Variants in WRNIP1 observed in about 807,000 individuals in gnomAD.
WRNIP1 encodes WRN helicase interacting protein 1.
A neutral mutation model predicts 56.1 loss-of-function variants in WRNIP1; 41 were observed. The observed-to-expected ratio is 0.73, with a 90% CI of 0.57 to 0.95. The LOEUF (loss-of-function observed/expected upper bound fraction) is 0.95, where lower values mean the gene tolerates loss of function less well. Ranked by LOEUF, WRNIP1 falls within the 40% of genes least tolerant of loss-of-function variation. The pLI is 0.00. For missense variants in WRNIP1, 1,170 were observed against 939.4 expected (o/e 1.25, Z -3.21); for synonymous variants, 547 against 398.1 (o/e 1.37, Z -4.45).
intron 3 of WRNIP1, among the ~76,000 whole-genome samples, chr6:2,775,029 ACCT>A (rs1337977149): frequency 6.6e-6 from 1 of 152,092 alleles, no homozygotes; most frequent in East Asian, 1.9e-4. Context: ...AGATCTCATT[ACCT>A]CCTATTTACT....
intron 3 of WRNIP1, chr6:2,773,178 TC>T: frequency 1.0e-6 from 1 of 985,408 alleles, no homozygotes; most frequent in Non-Finnish European, 1.2e-6. Context: ...AAATAAGTGT[TC>T]TTTTTTTAAA....
Position 2,765,922 on chromosome 6 carries a change from C to T in WRNIP1, c.300C>T (p.Asp100=), listed in dbSNP as rs1232194923. Residue 100 remains aspartate (D), a synonymous_variant, in exon 1 of 7, where the codon GAC becomes GAT. Coordinates refer to ENST00000380773, the MANE Select transcript of WRNIP1 (RefSeq NM_020135.3). Reference sequence around the variant, plus strand: ...GCGAGGGCGAGGGTGAGGAGGGCGACGACGGCGGCGAGACCGAGAGCCGCG... The same window carrying T: ...GCGAGGGCGAGGGTGAGGAGGGCGATGACGGCGGCGAGACCGAGAGCCGCG... ...ESSEGEGEEG[D]DGGETESRES... is the part of the protein sequence containing the mutation. 12 of 1,452,158 alleles carry T rather than the reference C, an allele frequency of 8.3e-6. No individual in the cohort carries two copies. The highest frequency in any genetic ancestry group is 2.4e-5 in the Admixed American group (1 of 42,378). The allele number at this position is 1,452,158 out of a possible 1,614,324, so 90.0% of individuals were successfully genotyped here.
intron 2 of WRNIP1, 30 bp downstream of exon 2, chr6:2,768,912 G>A (rs540758943): frequency 3.2e-6 from 5 of 1,577,110 alleles, no homozygotes; most frequent in South Asian, 2.3e-5. Context: ...CCTTTTGGTC[G>A]TTGTGAACAT....
intron 3 of WRNIP1, among the ~76,000 whole-genome samples, chr6:2,770,809 TA>T (rs1225348859): frequency 0.028 from 4,089 of 146,786 alleles, 94 homozygotes; most frequent in African/African-American, 0.069. Flanking sequence ...AGCATTTTGT[TA>T]AAAAAAAAAA....
intron 3 of WRNIP1, chr6:2,773,091 C>A (rs925813507): frequency 1.0e-6 from 1 of 985,268 alleles, no homozygotes; most frequent in African/African-American, 1.7e-5. Context: ...TGCCGCTTAG[C>A]CGTTCTTGAT....
At chr6:2,768,486 A>G (rs975367309) in intron 1 of WRNIP1, among the ~76,000 whole-genome samples, 8 of 152,196 alleles carry the variant, frequency 5.3e-5, no homozygotes, top group African/African-American at 1.9e-4. Flanking sequence ...AGGTTTAGCT[A>G]CTTTCCTGTT....
chr6:2,778,443 C>T (rs1004235680), intron 3 of WRNIP1, among the ~76,000 whole-genome samples: 1 of 152,194 alleles, frequency 6.6e-6, no homozygotes, highest in Admixed American at 6.5e-5. Context: ...CTGAGTCAGC[C>T]TTCTGATCAT....
chr6:2,765,974 A>G lies in WRNIP1; in HGVS notation c.352A>G (p.Ser118Gly). The G allele has an allele frequency of 7.1e-7, 1 of 1,408,438 alleles. No homozygotes were observed. The highest frequency in any genetic ancestry group is 9.3e-7 in the Non-Finnish European group (1 of 1,079,956). 87.2% of individuals were successfully genotyped at this position (1,408,438 alleles called of 1,614,324 possible). ...RESYDAPPTP[S>G]GARLIPDFPV... is the part of the protein sequence containing the mutation. The stretch of plus-strand genomic sequence containing the variant: ...GAGCTACGACGCGCCGCCCACACCC[A>G]GCGGCGCCCGCCTTATCCCCGACTT... The change falls in exon 1 of 7, where the codon AGC (serine) becomes GGC (glycine). Residue 118 changes from serine (S) to glycine (G), a missense_variant. Physicochemically the swap from Ser to Gly is moderately conservative, Grantham distance 56 (BLOSUM62 0). Transcript: ENST00000380773.
intron 4 of WRNIP1, 144 bp from the exon 5 acceptor site, chr6:2,783,262 G>T (rs1004759682): frequency 1.2e-6 from 1 of 864,052 alleles, no homozygotes; most frequent in Admixed American, 3.3e-5. Context: ...TCAGAGCACG[G>T]TTAAGGCAGC....
Position 2,783,493 on chromosome 6 carries a change from T to C in WRNIP1, c.1574T>C (p.Met525Thr), listed in dbSNP as rs1403560714. 1.2e-6 allele frequency: 2 copies of C among 1,613,976 alleles called. No homozygotes were observed. The highest frequency in any genetic ancestry group is 1.1e-5 in the South Asian group (1 of 91,060). ...GCCTCCCTCTACTGGCTGGCTCGCA[T>C]GCTCGAGGGAGGAGAGGACCCACTC... Reference protein sequence around the residue: ...QNASLYWLARMLEGGEDPLYV... With the variant: ...QNASLYWLARTLEGGEDPLYV... Residue 525 changes from methionine (M) to threonine (T), a missense_variant, in exon 5 of 7, where the codon ATG (methionine) becomes ACG (threonine). Met to Thr is a moderately conservative substitution (Grantham distance 81). Transcript: ENST00000380773.
At chr6:2,777,270 C>G (rs1363851205) in intron 3 of WRNIP1, among the ~76,000 whole-genome samples, 2 of 152,208 alleles carry the variant, frequency 1.3e-5, no homozygotes, top group African/African-American at 2.4e-5. Flanking sequence ...TGCCTATCAT[C>G]TACCAGGTCT....
In WRNIP1 at chr6:2,768,899, C is replaced by A; in HGVS notation, c.1014+17C>A. ...TCTCAGCAGGTATATTAACTTCCTT[C>A]TACCTTTTGGTCGTTGTGAACATCA... On this transcript the variant is annotated intron_variant, in intron 2 of 6. Coordinates refer to ENST00000380773, the MANE Select transcript of WRNIP1 (RefSeq NM_020135.3). 8 of 1,594,886 alleles carry A rather than the reference C, an allele frequency of 5.0e-6. No homozygotes were observed. In the African/African-American group the frequency reaches 6.7e-5, roughly 13 times the overall value.
In WRNIP1 at chr6:2,770,138, G is replaced by A. The variant is rs576609360; in HGVS notation, c.1033G>A (p.Val345Met). The change falls in exon 3 of 7, where the codon GTG becomes ATG. Residue 345 changes from valine (V) to methionine (M), a missense_variant. Coordinates refer to ENST00000380773, the MANE Select transcript of WRNIP1 (RefSeq NM_020135.3). ...TGATTAGGACACTTTCCTTCCTCACGTGGAATGTGGGACGATCACTCTGAT... is the reference window on the plus strand; with the variant it reads ...TGATTAGGACACTTTCCTTCCTCACATGGAATGTGGGACGATCACTCTGAT... The part of the protein sequence containing the change: ...KSQQDTFLPH[V>M]ECGTITLIGA... The A allele has an allele frequency of 1.2e-5, 20 of 1,614,164 alleles. No individual in the cohort carries two copies. The Admixed American group carries it at 1.5e-4, about 12-fold the overall frequency.
Position 2,765,670 on chromosome 6 carries a change from C to T in WRNIP1, c.48C>T (p.His16=), listed in dbSNP as rs1174070097. 3 of 1,553,000 alleles carry T rather than the reference C, an allele frequency of 1.9e-6. No individual in the cohort carries two copies. The highest frequency in any genetic ancestry group is 5.1e-5 in the East Asian group (2 of 38,932). Reference sequence around the variant, plus strand: ...ACGACCCCTTCCTTTCGCAGCTGCACCAGGTGCAGTGCCCCGTGTGCCAGC... The same window carrying T: ...ACGACCCCTTCCTTTCGCAGCTGCATCAGGTGCAGTGCCCCGTGTGCCAGC... The part of the protein sequence containing the change: ...PEDDPFLSQL[H]QVQCPVCQQM... The change falls in exon 1 of 7, where the codon CAC becomes CAT. Residue 16 remains histidine (H), a synonymous_variant. Coordinates refer to ENST00000380773, the MANE Select transcript of WRNIP1 (RefSeq NM_020135.3).
At chr6:2,773,415 A>G (rs1765356548) in intron 3 of WRNIP1, 1 of 985,302 alleles carries the variant, frequency 1.0e-6, no homozygotes, top group South Asian at 4.7e-5. Context: ...CACCTCCTAG[A>G]TGAGGGGATG....
chr6:2,780,905 A>G (rs1370789716), intron 4 of WRNIP1, among the ~76,000 whole-genome samples: 1 of 152,218 alleles, frequency 6.6e-6, no homozygotes, highest in Non-Finnish European at 1.5e-5. Flanking sequence ...ACTAACACTC[A>G]GCCATTGAGT....
At chr6:2,779,665 C>G (rs1186424029) in intron 4 of WRNIP1, among the ~76,000 whole-genome samples, 173 bp downstream of exon 4, 1 of 152,184 alleles carries the variant, frequency 6.6e-6, no homozygotes, top group African/African-American at 2.4e-5. Flanking sequence ...ACAGGGCTGA[C>G]CTTTCCGAAG....
rs780490340 is a variant in WRNIP1, at chr6:2,784,314, T to C, written c.1643-10T>C. The C allele has an allele frequency of 5.6e-6, 9 of 1,612,634 alleles. No homozygotes were observed. The highest frequency in any genetic ancestry group is 5.9e-6 in the Non-Finnish European group (7 of 1,178,824). ...TGACTGAAACTCTCCTTTGTCTCTG[T>C]GTGTGGCAGGTCTGGCAGACCCGTC... On this transcript the variant is annotated splice_polypyrimidine_tract_variant and intron_variant, in intron 5 of 6. Coordinates refer to ENST00000380773, the MANE Select transcript of WRNIP1 (RefSeq NM_020135.3).
chr6:2,767,028 CAT>C (rs1332519702), intron 1 of WRNIP1, among the ~76,000 whole-genome samples: 1 of 152,150 alleles, frequency 6.6e-6, no homozygotes, highest in Non-Finnish European at 1.5e-5. Context: ...ACAAAACTAA[CAT>C]AAAAACTTTT....
Sources: allele counts gnomAD v4.1 joint callset (sites outside exome capture counted in the v4.1 genomes callset), GRCh38; gene constraint gnomAD v4.1.1; transcripts MANE v1.5; gene names NCBI Gene and HGNC (gene_info 2026-07-23, HGNC 2026-07-21).